The following TENM2 variants were observed in gnomAD, a reference collection of about 807,000 sequenced individuals.
TENM2 encodes the protein teneurin-2.
In TENM2, 52 loss-of-function variants were observed where a neutral mutation model predicts 245.2. That is an observed-to-expected ratio of 0.21 (90% CI 0.17 to 0.27). The LOEUF (loss-of-function observed/expected upper bound fraction) is 0.27. Among genes scored for constraint, TENM2 ranks in the 10% least tolerant of loss-of-function variants. TENM2 has a pLI of 1.00. For missense variants in TENM2, 3,046 were observed against 3,666.8 expected (o/e 0.83, Z 4.37); for synonymous variants, 1,363 against 1,438.9 (o/e 0.95, Z 1.19).
intron 3 of TENM2, among the ~76,000 whole-genome samples, chr5:167,944,576 A>G (rs1779458068): frequency 6.6e-6 from 1 of 152,224 alleles, no homozygotes. Context: ...TGTCGTGGTT[A>G]TAATAAACAG....
intron 5 of TENM2, among the ~76,000 whole-genome samples, chr5:168,024,686 T>C (rs1261395827): frequency 6.6e-6 from 1 of 152,204 alleles, no homozygotes; most frequent in Non-Finnish European, 1.5e-5. Context: ...TAGTTGATGC[T>C]ACAGTAAGTG....
At chr5:167,357,026 A>G (rs1397854613) in intron 1 of TENM2, among the ~76,000 whole-genome samples, 1 of 152,148 alleles carries the variant, frequency 6.6e-6, no homozygotes, top group Non-Finnish European at 1.5e-5. Flanking sequence ...ATTGTGTCCA[A>G]TGGATAAGTT....
intron 2 of TENM2, among the ~76,000 whole-genome samples, chr5:167,799,630 A>C (rs1478391675): frequency 6.6e-6 from 1 of 152,224 alleles, no homozygotes; most frequent in Non-Finnish European, 1.5e-5. Flanking sequence ...GTTCACTCTG[A>C]CTAAACCTGT....
chr5:167,434,882 A>G (rs1355989244), intron 2 of TENM2, among the ~76,000 whole-genome samples: 2 of 152,226 alleles, frequency 1.3e-5, no homozygotes, highest in Non-Finnish European at 2.9e-5. Context: ...TATGGAAAAG[A>G]AGAAAATTAT....
At chr5:167,831,008 G>A (rs1289374088) in intron 2 of TENM2, among the ~76,000 whole-genome samples, 1 of 152,108 alleles carries the variant, frequency 6.6e-6, no homozygotes, top group Non-Finnish European at 1.5e-5. Context: ...ACCTCTGTCT[G>A]TCTTGCTCTG....
the TENM2 span, among the ~76,000 whole-genome samples, chr5:167,093,849 C>A: frequency 1.4e-3 from 209 of 152,236 alleles, no homozygotes; most frequent in African/African-American, 4.9e-3. Context: ...TAGTCCTTGG[C>A]CTTAGGATAG....
the TENM2 span, among the ~76,000 whole-genome samples, chr5:167,089,781 C>T: frequency 6.6e-6 from 1 of 152,150 alleles, no homozygotes; most frequent in African/African-American, 2.4e-5. Flanking sequence ...TCACTTCGCT[C>T]AGGCCTAGTT....
chr5:167,835,382 A>T (rs1167105149), intron 2 of TENM2, among the ~76,000 whole-genome samples: 2 of 152,230 alleles, frequency 1.3e-5, no homozygotes, highest in Non-Finnish European at 1.5e-5. Context: ...TTGAGAAGGC[A>T]GCTGTCATTC....
intron 2 of TENM2, among the ~76,000 whole-genome samples, chr5:167,870,583 ATATATG>A (rs1172396511): frequency 7.1e-6 from 1 of 141,226 alleles, no homozygotes; most frequent in Non-Finnish European, 1.5e-5. Flanking sequence ...GTGTGTATAT[ATATATG>A]TATATATATG....
the TENM2 span, among the ~76,000 whole-genome samples, chr5:167,239,746 A>G: frequency 6.6e-6 from 1 of 152,184 alleles, no homozygotes; most frequent in African/African-American, 2.4e-5. Flanking sequence ...TTATTCATGG[A>G]TAAATTAATA....
the TENM2 span, among the ~76,000 whole-genome samples, chr5:167,021,460 C>T: frequency 6.6e-6 from 1 of 152,322 alleles, no homozygotes; most frequent in Non-Finnish European, 1.5e-5. Context: ...CACAGAACAA[C>T]TCATAAAGCC....
At chr5:167,745,128 A>G (rs556253219) in intron 2 of TENM2, among the ~76,000 whole-genome samples, 1 of 152,342 alleles carries the variant, frequency 6.6e-6, no homozygotes, top group East Asian at 1.9e-4. Context: ...ACTGTTAATC[A>G]TTACAATGAG....
chr5:167,869,643 C>T (rs910330208), intron 2 of TENM2, among the ~76,000 whole-genome samples: 8 of 152,210 alleles, frequency 5.3e-5, no homozygotes, highest in Non-Finnish European at 1.5e-5. Context: ...CAGGGCACCT[C>T]GCAGCTTCTG....
At position 167,808,501 on chromosome 5, in the gene TENM2, C is replaced by T. The variant is rs565537033; in HGVS notation, c.503-67485C>T. On this transcript the variant is annotated intron_variant, in intron 2 of 28. Coordinates refer to ENST00000518659, the Ensembl canonical transcript of TENM2. ...TCTCAAACTCCTGACCTCAGGTGAT[C>T]AGCCTACCTCAGTCTCCCAAAATGC... 7.9e-5 allele frequency among the ~76,000 whole-genome samples: 12 copies of T among 152,242 alleles called. No individual in the cohort carries two copies. In the South Asian group the frequency reaches 2.3e-3, roughly 29 times the overall value.
chr5:167,542,758 T>G (rs1002756498), intron 2 of TENM2, among the ~76,000 whole-genome samples: 2 of 152,180 alleles, frequency 1.3e-5, no homozygotes, highest in Non-Finnish European at 2.9e-5. Context: ...ACAAAGGATT[T>G]CTACACTAGA....
chr5:167,479,310 C>G (rs1251082812), intron 2 of TENM2, among the ~76,000 whole-genome samples: 1 of 152,102 alleles, frequency 6.6e-6, no homozygotes, highest in African/African-American at 2.4e-5. Context: ...GAAATTCCTT[C>G]ATAAGTTATT....
At chr5:167,667,079 T>C (rs1755626652) in intron 2 of TENM2, among the ~76,000 whole-genome samples, 1 of 152,178 alleles carries the variant, frequency 6.6e-6, no homozygotes, top group African/African-American at 2.4e-5. Context: ...ACAGGTCTTT[T>C]GTCAATGCAA....
intron 5 of TENM2, among the ~76,000 whole-genome samples, chr5:168,012,754 G>A (rs1228858069): frequency 8.6e-6 from 1 of 116,818 alleles, no homozygotes; most frequent in Admixed American, 1.2e-4. Flanking sequence ...CCTTTCAGCT[G>A]TAAGTTATCA....
intron 2 of TENM2, among the ~76,000 whole-genome samples, chr5:167,620,490 G>A (rs1009913896): frequency 1.3e-5 from 2 of 148,782 alleles, no homozygotes; most frequent in African/African-American, 4.9e-5. Flanking sequence ...TTTTTAATAA[G>A]GCTATTGTGG....
Sources: gnomAD v4.1 joint callset for allele counts (sites outside exome capture counted in the v4.1 genomes callset) on GRCh38, gnomAD v4.1.1 for gene constraint, MANE v1.5 for transcripts, NCBI Gene and HGNC (gene_info 2026-07-23, HGNC 2026-07-21) for gene names.